Variants in FOXP1 observed in about 807,000 individuals in gnomAD.
FOXP1 encodes forkhead box protein P1.
In FOXP1, 15 loss-of-function variants were observed where a neutral mutation model predicts 98.2. The ratio of observed to expected loss-of-function variants is 0.15; its 90% CI spans 0.10 to 0.24. The LOEUF (loss-of-function observed/expected upper bound fraction) is 0.24, where lower values mean the gene tolerates loss of function less well. Ranked by LOEUF, FOXP1 falls within the 10% of genes least tolerant of loss-of-function variation. FOXP1 has a pLI of 1.00. For synonymous variants in FOXP1, 371 were observed against 314.5 expected, an observed-to-expected ratio of 1.18 and a Z score of -1.90; for missense variants, 633 against 848.5, an observed-to-expected ratio of 0.75 and a Z score of 3.15.
chr3:71,544,609 A>G (rs1184835115), intron 2 of FOXP1, among the ~76,000 whole-genome samples: 10 of 152,252 alleles, frequency 6.6e-5, no homozygotes, highest in Admixed American at 6.5e-4. Context: ...AGCCCAAGAC[A>G]TTTAAAGACC....
chr3:71,137,340 A>G (rs1411919960), intron 6 of FOXP1, among the ~76,000 whole-genome samples: 1 of 152,032 alleles, frequency 6.6e-6, no homozygotes, highest in African/African-American at 2.4e-5. Context: ...ACAGCAAAAC[A>G]TCCTCGCCAG....
intron 5 of FOXP1, among the ~76,000 whole-genome samples, chr3:71,266,796 C>T (rs1211333832): frequency 1.3e-5 from 2 of 152,252 alleles, no homozygotes; most frequent in African/African-American, 2.4e-5. Flanking sequence ...ATGTTTAGCT[C>T]CCACTTGTAA....
At chr3:71,298,978 T>C (rs1302635000) in intron 5 of FOXP1, among the ~76,000 whole-genome samples, 3 of 152,206 alleles carry the variant, frequency 2.0e-5, no homozygotes, top group South Asian at 2.1e-4. Flanking sequence ...AATGGAACTA[T>C]TAAAGGCCAA....
intron 6 of FOXP1, among the ~76,000 whole-genome samples, chr3:71,194,815 A>G (rs907992877): frequency 1.4e-4 from 22 of 152,238 alleles, no homozygotes; most frequent in African/African-American, 5.3e-4. Flanking sequence ...TAATAGTTTC[A>G]TGGCTCAGAC....
chr3:71,090,834 G>A (rs2055732562), intron 7 of FOXP1, among the ~76,000 whole-genome samples: 1 of 152,074 alleles, frequency 6.6e-6, no homozygotes, highest in Non-Finnish European at 1.5e-5. Flanking sequence ...ATTCAGAGAC[G>A]ATAACATAGG....
chr3:71,334,401 C>G (rs1229978932), intron 4 of FOXP1: 2 of 151,144 alleles, frequency 1.3e-5, no homozygotes, highest in East Asian at 1.9e-4. Flanking sequence ...AAGCTCAAAA[C>G]TAAAAGAAGA....
chr3:71,202,624 A>G (rs750456675), intron 5 of FOXP1, among the ~76,000 whole-genome samples: 2 of 152,238 alleles, frequency 1.3e-5, no homozygotes, highest in Non-Finnish European at 1.5e-5. Context: ...GGATAGATGT[A>G]GCCATAACTA....
At chr3:71,101,504 T>C (rs2056955499) in intron 7 of FOXP1, among the ~76,000 whole-genome samples, 4 of 151,858 alleles carry the variant, frequency 2.6e-5, no homozygotes, top group African/African-American at 2.4e-5. Context: ...GTTTAAATGA[T>C]GGCATTTTCC....
intron 5 of FOXP1, among the ~76,000 whole-genome samples, chr3:71,221,232 C>CT (rs1243461957): frequency 6.6e-6 from 1 of 152,194 alleles, no homozygotes; most frequent in Admixed American, 6.5e-5. Flanking sequence ...ATCTAGGTTG[C>CT]TTGCTCCTTA....
chr3:71,481,994 A>T (rs2090313365), intron 3 of FOXP1, among the ~76,000 whole-genome samples: 1 of 152,160 alleles, frequency 6.6e-6, no homozygotes, highest in Non-Finnish European at 1.5e-5. Flanking sequence ...TTAAATCTCC[A>T]GCAAAGAGAG....
chr3:71,171,790 G>A (rs2061668116), intron 6 of FOXP1, among the ~76,000 whole-genome samples: 1 of 152,118 alleles, frequency 6.6e-6, no homozygotes, highest in African/African-American at 2.4e-5. Context: ...CTGGGGTCTG[G>A]GCCAGGCCTC....
chr3:71,292,235 G>A (rs1441373343), intron 5 of FOXP1, among the ~76,000 whole-genome samples: 1 of 152,190 alleles, frequency 6.6e-6, no homozygotes, highest in Non-Finnish European at 1.5e-5. Context: ...AGGAAAGAGT[G>A]AGCATGTAAG....
At chr3:71,207,942 T>C (rs756381693) in intron 5 of FOXP1, among the ~76,000 whole-genome samples, 6 of 152,218 alleles carry the variant, frequency 3.9e-5, no homozygotes, top group Non-Finnish European at 7.3e-5. Flanking sequence ...AAACTCACTT[T>C]AAAATGGACA....
intron 5 of FOXP1, among the ~76,000 whole-genome samples, chr3:71,248,912 T>C (rs1456641478): frequency 6.6e-6 from 1 of 152,112 alleles, no homozygotes; most frequent in Non-Finnish European, 1.5e-5. Context: ...CTTAGTCTTG[T>C]GGTCACTGAT....
At chr3:71,223,278 T>C (rs1265234262) in intron 5 of FOXP1, among the ~76,000 whole-genome samples, 4 of 152,222 alleles carry the variant, frequency 2.6e-5, no homozygotes. Context: ...TTTCCAAACA[T>C]ACCTTACTCT....
intron 12 of FOXP1, among the ~76,000 whole-genome samples, chr3:71,005,334 A>AAC (rs1471326798): frequency 6.7e-6 from 1 of 148,568 alleles, no homozygotes; most frequent in African/African-American, 2.5e-5. Context: ...AAAAAAAAAA[A>AAC]AAAAAAACCA....
intron 5 of FOXP1, among the ~76,000 whole-genome samples, chr3:71,208,074 A>G (rs531209664): frequency 6.6e-6 from 1 of 152,360 alleles, no homozygotes; most frequent in Non-Finnish European, 1.5e-5. Context: ...TATTCAGAAC[A>G]CATCAAAGTA....
At chr3:71,156,185 A>G (rs1385508927) in intron 6 of FOXP1, among the ~76,000 whole-genome samples, 2 of 151,976 alleles carry the variant, frequency 1.3e-5, no homozygotes, top group East Asian at 3.9e-4. Flanking sequence ...CTCCAGGGGG[A>G]GGGGGGGTGA....
chr3:71,126,295 T>C (rs944878188), intron 6 of FOXP1, among the ~76,000 whole-genome samples: 3 of 148,526 alleles, frequency 2.0e-5, no homozygotes, highest in Non-Finnish European at 4.5e-5. Context: ...CCATACTGGC[T>C]AACACAGCGA....
Sources: gnomAD v4.1 joint callset for allele counts (sites outside exome capture counted in the v4.1 genomes callset) on GRCh38, gnomAD v4.1.1 for gene constraint, MANE v1.5 for transcripts, NCBI Gene and HGNC (gene_info 2026-07-23, HGNC 2026-07-21) for gene names.